The following IL1RAP variants were observed in gnomAD, a reference collection of about 807,000 sequenced individuals.
The protein encoded by IL1RAP is interleukin-1 receptor accessory protein.
Under a neutral mutation model 60.7 loss-of-function variants are expected in IL1RAP, and 35 were observed. That is an observed-to-expected ratio of 0.58 (90% confidence interval 0.44 to 0.76). The LOEUF is 0.76. Among genes scored for constraint, IL1RAP ranks in the 30% least tolerant of loss-of-function variants. IL1RAP has a pLI of 0.00. For missense variants in IL1RAP, 572 were observed against 693.9 expected (o/e 0.82, Z 1.97); for synonymous variants, 268 against 250.9 (o/e 1.07, Z -0.64).
At chr3:190,656,692 A>T (rs1215756480) in exon 12 of IL1RAP, 2 of 755,510 alleles carry the variant, frequency 2.6e-6, no homozygotes, top group African/African-American at 3.5e-5. Flanking sequence ...CATTTTTATC[A>T]TCTAATGGAC....
intron 9 of IL1RAP, among the ~76,000 whole-genome samples, chr3:190,642,897 A>G (rs60040778): frequency 0.019 from 2,951 of 152,302 alleles, 60 homozygotes; most frequent in Middle Eastern, 0.065. Flanking sequence ...CCCAGTAAAT[A>G]TACTGTTCCT....
chr3:190,557,928 C>A (rs1725562696), intron 2 of IL1RAP, among the ~76,000 whole-genome samples: 1 of 152,102 alleles, frequency 6.6e-6, no homozygotes, highest in Non-Finnish European at 1.5e-5. Context: ...CTCATGTGCC[C>A]TTCTTTTGCA....
At chr3:190,532,259 TTC>T (rs1723047506) in intron 1 of IL1RAP, among the ~76,000 whole-genome samples, 1 of 147,392 alleles carries the variant, frequency 6.8e-6, no homozygotes, top group Non-Finnish European at 1.5e-5. Flanking sequence ...ATAATCATCT[TTC>T]TTTTTTTTTT....
chr3:190,600,320 G>C (rs1302424940), intron 3 of IL1RAP, among the ~76,000 whole-genome samples: 1 of 152,118 alleles, frequency 6.6e-6, no homozygotes, highest in Non-Finnish European at 1.5e-5. Context: ...CTCATCCTTG[G>C]AGCTGAGTGA....
At chr3:190,655,974 C>G (rs1734607767), downstream of IL1RAP, 1 of 1,537,062 alleles carries the variant, frequency 6.5e-7, no homozygotes. Flanking sequence ...CAGAAAAGAG[C>G]ATCAGCATGC....
chr3:190,638,177 A>G (rs1733375325), intron 9 of IL1RAP, among the ~76,000 whole-genome samples: 1 of 151,992 alleles, frequency 6.6e-6, no homozygotes, highest in South Asian at 2.1e-4. Flanking sequence ...GGAATTACTG[A>G]CTTAGTTTTA....
chr3:190,527,001 C>CT (rs1722568202), intron 1 of IL1RAP, among the ~76,000 whole-genome samples: 1 of 152,198 alleles, frequency 6.6e-6, no homozygotes, highest in East Asian at 1.9e-4. Context: ...TGTGACCACG[C>CT]TTTTTTCCTC....
chr3:190,634,587 G>T (rs1220544481), intron 9 of IL1RAP, among the ~76,000 whole-genome samples: 1 of 151,872 alleles, frequency 6.6e-6, no homozygotes, highest in Non-Finnish European at 1.5e-5. Context: ...GGGTTATGCT[G>T]GTCTCATTAC....
intron 9 of IL1RAP, among the ~76,000 whole-genome samples, chr3:190,637,525 A>G (rs867962165): frequency 6.6e-6 from 1 of 152,136 alleles, no homozygotes; most frequent in Non-Finnish European, 1.5e-5. Flanking sequence ...TTTCTGATAC[A>G]TTTCAAAGTA....
intron 5 of IL1RAP, among the ~76,000 whole-genome samples, chr3:190,617,219 A>C (rs1157503226): frequency 3.3e-5 from 5 of 152,222 alleles, no homozygotes; most frequent in Admixed American, 1.3e-4. Context: ...TTAGACCATG[A>C]ATAACTATAA....
At chr3:190,594,762 G>A (rs1256228367) in intron 3 of IL1RAP, among the ~76,000 whole-genome samples, 1 of 152,218 alleles carries the variant, frequency 6.6e-6, no homozygotes, top group African/African-American at 2.4e-5. Context: ...GACACAAGAA[G>A]TGGTTTGCCA....
At chr3:190,548,475 A>AG (rs1462905450) in intron 1 of IL1RAP, among the ~76,000 whole-genome samples, 2 of 152,232 alleles carry the variant, frequency 1.3e-5, no homozygotes, top group Non-Finnish European at 2.9e-5. Flanking sequence ...ACAGCAAACT[A>AG]GAACAGAGGT....
intron 9 of IL1RAP, among the ~76,000 whole-genome samples, chr3:190,643,336 C>T (rs568991174): frequency 5.9e-5 from 9 of 152,160 alleles, no homozygotes; most frequent in African/African-American, 1.9e-4. Context: ...GCATGAGAAA[C>T]GGGCATCATA....
chr3:190,644,183 C>T (rs562340975), intron 9 of IL1RAP, 65 bp from the exon 10 acceptor site: 8 of 1,543,354 alleles, frequency 5.2e-6, no homozygotes, highest in East Asian at 4.7e-5. Flanking sequence ...AGCTATTTGC[C>T]GGGATGGTGG....
intron 1 of IL1RAP, among the ~76,000 whole-genome samples, chr3:190,534,797 C>G (rs921501693): frequency 1.3e-5 from 2 of 151,842 alleles, no homozygotes; most frequent in Admixed American, 1.3e-4. Flanking sequence ...TGAAAGTCAC[C>G]TCTCCTCCCT....
At chr3:190,619,828 A>G (rs763079984) in intron 5 of IL1RAP, among the ~76,000 whole-genome samples, 2 of 152,180 alleles carry the variant, frequency 1.3e-5, no homozygotes, top group Non-Finnish European at 2.9e-5. Context: ...AGACATCTAA[A>G]TTGGGGCCTA....
chr3:190,645,070 C>T (rs1733919101), intron 10 of IL1RAP, among the ~76,000 whole-genome samples: 1 of 152,180 alleles, frequency 6.6e-6, no homozygotes, highest in Non-Finnish European at 1.5e-5. Context: ...TGTACGTTAA[C>T]ATCTGAAAAG....
intron 9 of IL1RAP, among the ~76,000 whole-genome samples, chr3:190,631,591 TC>T (rs1476227392): frequency 6.6e-6 from 1 of 152,172 alleles, no homozygotes; most frequent in Non-Finnish European, 1.5e-5. Context: ...GAGTTCACAT[TC>T]ATACATTACA....
chr3:190,551,907 T>C (rs1724897853), intron 1 of IL1RAP, among the ~76,000 whole-genome samples: 1 of 152,202 alleles, frequency 6.6e-6, no homozygotes, highest in South Asian at 2.1e-4. Context: ...TACTCAGATA[T>C]TAGAATTTTA....
Sources: allele counts gnomAD v4.1 joint callset (sites outside exome capture counted in the v4.1 genomes callset), GRCh38; gene constraint gnomAD v4.1.1; transcripts MANE v1.5; gene names NCBI Gene and HGNC (gene_info 2026-07-23, HGNC 2026-07-21).